Variants in GRM4 observed in about 807,000 individuals in gnomAD.
The protein encoded by GRM4 is glutamate metabotropic receptor 4.
GRM4 carries 28 observed loss-of-function variants against 81.7 expected under a neutral mutation model. The ratio of observed to expected loss-of-function variants is 0.34; its 90% CI spans 0.25 to 0.47. The LOEUF (loss-of-function observed/expected upper bound fraction) is 0.47. Among genes scored for constraint, GRM4 ranks in the 20% least tolerant of loss-of-function variants. GRM4 has a pLI of 1.00. For missense variants in GRM4, 948 were observed against 1,290.0 expected (o/e 0.73, Z 4.06); for synonymous variants, 488 against 528.8 (o/e 0.92, Z 1.06).
In GRM4 at chr6:34,092,239, C is replaced by T; in HGVS notation, c.520-140G>A. 1.6e-6 allele frequency: 1 copy of T among 615,164 alleles called. No homozygotes were observed. The allele number at this position is 615,164 out of a possible 1,614,324, so 38.1% of individuals were successfully genotyped here. ...AGCCCACCCCTCCCCATGGGCGATG[C>T]CTCCTCCTCCAGAAAGTCTCCCAAC... On this transcript the variant is annotated intron_variant, in intron 2 of 10. Transcript: ENST00000538487. This position sits in a 1 kb window ranked among gnomAD's most constrained non-coding sequence, Gnocchi z 6.8.
At chr6:34,140,524 G>A (rs911740253) in intron 1 of GRM4, among the ~76,000 whole-genome samples, 6 of 152,236 alleles carry the variant, frequency 3.9e-5, no homozygotes, top group South Asian at 2.1e-4. Flanking sequence ...AAGTCCCATC[G>A]ACAAGGCAAG....
intron 1 of GRM4, among the ~76,000 whole-genome samples, chr6:34,142,423 G>A (rs561577440): frequency 6.6e-6 from 1 of 152,340 alleles, no homozygotes; most frequent in East Asian, 1.9e-4. Context: ...ATCTTGGGGT[G>A]GGTGGTAATT....
intron 1 of GRM4, among the ~76,000 whole-genome samples, chr6:34,142,396 C>T (rs1396170285): frequency 6.6e-6 from 1 of 152,108 alleles, no homozygotes; most frequent in African/African-American, 2.4e-5. Flanking sequence ...CAGAGGAGGA[C>T]AGTGGGGTGG....
chr6:34,032,478 T>C (rs922408144), intron 9 of GRM4, among the ~76,000 whole-genome samples: 11 of 152,236 alleles, frequency 7.2e-5, no homozygotes, highest in African/African-American at 2.7e-4. Flanking sequence ...CTAAGAAGCC[T>C]GGTAGTCTGA....
chr6:34,062,031 G>A lies in GRM4; in HGVS notation c.737-3C>T, dbSNP rs766981194. 1.9e-6 allele frequency: 3 copies of A among 1,607,102 alleles called. No homozygotes were observed. In the East Asian group the frequency reaches 6.7e-5, roughly 36 times the overall value. On this transcript the variant is annotated splice_region_variant and splice_polypyrimidine_tract_variant and intron_variant, in intron 3 of 10. Coordinates refer to ENST00000538487, the MANE Select transcript of GRM4 (RefSeq NM_000841.4). ...CGACTGGGCGATGCACACGCCCCCT[G>A]CAGGAGGGGCACCAGTTAGTTGGGG...
At position 34,061,975 on chromosome 6, in the gene GRM4, C is replaced by T; in HGVS notation, c.790G>A (p.Glu264Lys). The T allele has an allele frequency of 1.9e-6, 3 of 1,613,980 alleles. No homozygotes were observed. Among genetic ancestry groups the T allele is most frequent in the East Asian group, 2.2e-5 (1 of 44,884 alleles). The part of the protein sequence containing the change: ...VKIPREPKAG[E>K]FDKIIRRLLE... The stretch of plus-strand genomic sequence containing the variant: ...AGGCGGCGGATGATCTTGTCGAACT[C>T]GCCTGCCTTGGGCTCCCGTGGTATC... The change falls in exon 4 of 11, where the codon GAG (glutamate) becomes AAG (lysine). Residue 264 changes from glutamate (E) to lysine (K), a missense_variant. Glu to Lys is a moderately conservative substitution (Grantham distance 56). Transcript: ENST00000538487.
chr6:34,082,022 C>T (rs979922182), intron 3 of GRM4, among the ~76,000 whole-genome samples: 1 of 151,822 alleles, frequency 6.6e-6, no homozygotes, highest in African/African-American at 2.4e-5. Context: ...GATCCCTGTC[C>T]AATGGGAGCC....
chr6:34,104,180 G>T (rs1436598784), intron 2 of GRM4, among the ~76,000 whole-genome samples: 42 of 152,248 alleles, frequency 2.8e-4, no homozygotes, highest in Admixed American at 2.7e-3. Flanking sequence ...ACACCCAAAT[G>T]TCCAAGGGGC....
chr6:34,152,274 G>A lies in GRM4; in HGVS notation c.312+2805C>T, dbSNP rs918989711. On this transcript the variant is annotated intron_variant, in intron 1 of 8. Coordinates refer to the GRM4 transcript ENST00000374177. This position sits in a 1 kb window ranked among gnomAD's most constrained non-coding sequence, Gnocchi z 4.1. ...CCACCGGCAGAGCCTGGAGGAGCCCGCATCCCACTCAGGCCACCTCCAAGC... is the reference window on the plus strand; with the variant it reads ...CCACCGGCAGAGCCTGGAGGAGCCCACATCCCACTCAGGCCACCTCCAAGC... Among the ~76,000 whole-genome samples, 4 of 152,176 alleles carry A rather than the reference G, an allele frequency of 2.6e-5. No individual in the cohort carries two copies. The highest frequency in any genetic ancestry group is 7.2e-5 in the African/African-American group (3 of 41,450).
At chr6:34,075,556 A>C (rs2127474497) in intron 3 of GRM4, among the ~76,000 whole-genome samples, 1 of 152,254 alleles carries the variant, frequency 6.6e-6, no homozygotes, top group South Asian at 2.1e-4. Context: ...CTCCACTGGC[A>C]CTTGCCATCC....
Position 34,078,785 on chromosome 6 carries a change from CCCAAGCCGTCTGCAAGAGTCGTTAGCT to C in GRM4, c.736+13071_736+13097del, listed in dbSNP as rs1373370299. On this transcript the variant is annotated intron_variant, in intron 3 of 10. Coordinates refer to ENST00000538487, the MANE Select transcript of GRM4 (RefSeq NM_000841.4). The surrounding 1 kb of genome is among the most constrained non-coding windows in gnomAD (Gnocchi z 4.8). ...CCATATCCCAAGGCCTCCCTGGGGC[CCCAAGCCGTCTGCAAGAGTCGTTAGCT>C]TTCCTTCTGGCTCATTAAAAAGCAG... Among the ~76,000 whole-genome samples, 6 of 152,172 alleles carry C rather than the reference CCCAAGCCGTCTGCAAGAGTCGTTAGCT, an allele frequency of 3.9e-5. No homozygotes were observed. Among genetic ancestry groups the C allele is most frequent in the African/African-American group, 1.4e-4 (6 of 41,434 alleles).
At chr6:34,053,668 T>A (rs181111200) in intron 6 of GRM4, among the ~76,000 whole-genome samples, 151 of 152,170 alleles carry the variant, frequency 9.9e-4, no homozygotes, top group African/African-American at 3.5e-3. Context: ...CACCCACCCT[T>A]CCCTCCAAGC....
In GRM4 at chr6:34,028,360, T is replaced by C. The variant is rs777995582; in HGVS notation, c.2449A>G (p.Ile817Val). The change falls in exon 10 of 11, where the codon ATC (isoleucine) becomes GTC (valine). Residue 817 changes from isoleucine (I) to valine (V), a missense_variant. By Grantham distance (29) the Ile-to-Val change is conservative. Transcript: ENST00000538487. ...GTSQSADKLY[I>V]QTTTLTVSVS... ...GAGACCGTCAGCGTCGTCGTCTGGATGTACAGCTGGCGGAGGGCACGGTGG... is the reference window on the plus strand; with the variant it reads ...GAGACCGTCAGCGTCGTCGTCTGGACGTACAGCTGGCGGAGGGCACGGTGG... 1.9e-6 allele frequency: 3 copies of C among 1,609,338 alleles called. No homozygotes were observed. Among genetic ancestry groups the C allele is most frequent in the East Asian group, 2.2e-5 (1 of 44,794 alleles).
chr6:34,116,522 G>C (rs960045407), intron 2 of GRM4, among the ~76,000 whole-genome samples: 1 of 152,148 alleles, frequency 6.6e-6, no homozygotes, highest in Non-Finnish European at 1.5e-5. Context: ...GGGGGCATTG[G>C]AGATGGGCCT....
At chr6:34,056,379 C>T in intron 6 of GRM4, 165 bp downstream of exon 6, 1 of 626,602 alleles carries the variant, frequency 1.6e-6, no homozygotes, top group Non-Finnish European at 2.8e-6. Context: ...CCTCAAGGCC[C>T]CGCCCCAGGC....
At chr6:34,075,102 G>A (rs2451349) in intron 3 of GRM4, among the ~76,000 whole-genome samples, 6 of 151,934 alleles carry the variant, frequency 3.9e-5, no homozygotes, top group South Asian at 2.1e-4. Context: ...GGTCTGACCC[G>A]CGGGCAGTGC....
At chr6:34,053,457 TAGAC>T (rs1430126140) in intron 6 of GRM4, among the ~76,000 whole-genome samples, 25 of 152,032 alleles carry the variant, frequency 1.6e-4, no homozygotes, top group South Asian at 6.2e-4. Flanking sequence ...CACCCAGAGA[TAGAC>T]AGAGAGGCTC....
Position 34,152,325 on chromosome 6 carries a change from G to A in GRM4, c.312+2754C>T, listed in dbSNP as rs749313169. Among the ~76,000 whole-genome samples, 2 of 152,190 alleles carry A rather than the reference G, an allele frequency of 1.3e-5. No homozygotes were observed. The highest frequency in any genetic ancestry group is 2.9e-5 in the Non-Finnish European group (2 of 68,036). On this transcript the variant is annotated intron_variant, in intron 1 of 8. Coordinates refer to the GRM4 transcript ENST00000374177. This position sits in a 1 kb window ranked among gnomAD's most constrained non-coding sequence, Gnocchi z 4.1. ...CTGGCTGCTGCGGTATCTCCAGCACGGACACCAGGCAGGCTGCACTGCCCT... is the reference window on the plus strand; with the variant it reads ...CTGGCTGCTGCGGTATCTCCAGCACAGACACCAGGCAGGCTGCACTGCCCT...
At chr6:34,149,120 G>C (rs1020477521), upstream of GRM4, among the ~76,000 whole-genome samples, 1 of 151,918 alleles carries the variant, frequency 6.6e-6, no homozygotes, top group South Asian at 2.1e-4. Context: ...GGCCTCCCTG[G>C]TGAGGGAAAG....
Sources: allele counts gnomAD v4.1 joint callset (sites outside exome capture counted in the v4.1 genomes callset), GRCh38; gene constraint gnomAD v4.1.1; non-coding constraint Gnocchi (gnomAD v3.1); transcripts MANE v1.5; gene names NCBI Gene and HGNC (gene_info 2026-07-23, HGNC 2026-07-21).